ZFHX3: variants seen among roughly 807,000 people sequenced by gnomAD.
The protein encoded by ZFHX3 is zinc finger homeobox protein 3.
ZFHX3 carries 42 observed loss-of-function variants against 279.1 expected under a neutral mutation model. That is an observed-to-expected ratio of 0.15 (90% CI 0.12 to 0.19). The LOEUF (loss-of-function observed/expected upper bound fraction) is 0.19, where lower values mean the gene tolerates loss of function less well. Ranked by LOEUF, ZFHX3 falls within the 10% of genes least tolerant of loss-of-function variation. ZFHX3 has a pLI of 1.00. For synonymous variants in ZFHX3, 2,293 were observed against 1,957.8 expected, an observed-to-expected ratio of 1.17 and a Z score of -4.52; for missense variants, 4,981 against 4,754.0, an observed-to-expected ratio of 1.05 and a Z score of -1.40.
At chr16:73,110,172 C>A (rs1567391144) in intron 7 of ZFHX3, among the ~76,000 whole-genome samples, 1 of 151,850 alleles carries the variant, frequency 6.6e-6, no homozygotes, top group African/African-American at 2.4e-5. Context: ...CCACTGCACT[C>A]CAGCCTGGGT....
At chr16:73,003,289 C>G (rs1268586751) in intron 1 of ZFHX3, among the ~76,000 whole-genome samples, 1 of 149,602 alleles carries the variant, frequency 6.7e-6, no homozygotes, top group Non-Finnish European at 1.5e-5. Flanking sequence ...AGTCCTGATC[C>G]GGGTATTAGA....
chr16:72,850,316 C>T (rs2037584821), intron 4 of ZFHX3, among the ~76,000 whole-genome samples: 1 of 152,268 alleles, frequency 6.6e-6, no homozygotes. Context: ...TGCCCATCTT[C>T]ACTCCTACGC....
intron 7 of ZFHX3, among the ~76,000 whole-genome samples, chr16:73,100,440 A>G (rs542949888): frequency 3.3e-5 from 5 of 152,298 alleles, no homozygotes; most frequent in African/African-American, 1.2e-4. Flanking sequence ...TTAACTTTGC[A>G]ACTCTTTGGC....
At chr16:73,333,825 A>T in intron 3 of ZFHX3, among the ~76,000 whole-genome samples, 1 of 151,728 alleles carries the variant, frequency 6.6e-6, no homozygotes, top group African/African-American at 2.4e-5. Context: ...AAAAAAAAAA[A>T]AAAAAAGGTG....
intron 3 of ZFHX3, among the ~76,000 whole-genome samples, chr16:72,918,573 A>AGGCAGCCAGTAACTC (rs2039501935): frequency 6.6e-6 from 1 of 152,160 alleles, no homozygotes; most frequent in Non-Finnish European, 1.5e-5. Flanking sequence ...GCAGGTAACT[A>AGGCAGCCAGTAACTC]GGCAGCCAGT....
intron 1 of ZFHX3, among the ~76,000 whole-genome samples, chr16:73,752,258 C>T (rs2053768620): frequency 6.6e-6 from 1 of 152,146 alleles, no homozygotes; most frequent in Non-Finnish European, 1.5e-5. Context: ...CTTTTGATTT[C>T]AGCTAGTTTG....
chr16:73,081,760 G>A (rs899543862), intron 8 of ZFHX3: 1 of 152,006 alleles, frequency 6.6e-6, no homozygotes, highest in African/African-American at 2.4e-5. Flanking sequence ...TTTTTCCAGT[G>A]ACGTTGTTCT....
At chr16:73,669,300 C>A (rs1490864748) in intron 2 of ZFHX3, among the ~76,000 whole-genome samples, 2 of 152,140 alleles carry the variant, frequency 1.3e-5, no homozygotes, top group Non-Finnish European at 1.5e-5. Flanking sequence ...GTAATCCACC[C>A]GCCTTGGCCT....
chr16:73,493,185 T>C (rs913310023), intron 2 of ZFHX3, among the ~76,000 whole-genome samples: 1 of 152,186 alleles, frequency 6.6e-6, no homozygotes, highest in African/African-American at 2.4e-5. Context: ...GCTGGTCTCG[T>C]CTGCTTCCAA....
intron 2 of ZFHX3, among the ~76,000 whole-genome samples, chr16:73,531,714 C>CAAAAAAAAAAAAAAAAAAAAAAAAAAA (rs34119200): frequency 1.2e-5 from 1 of 81,146 alleles, no homozygotes; most frequent in Non-Finnish European, 2.3e-5. Flanking sequence ...AACCCTGTCT[C>CAAAAAAAAAAAAAAAAAAAAAAAAAAA]AAAAAAAAAA....
chr16:73,709,346 CAGAGAGAG>C (rs59857152), intron 1 of ZFHX3, among the ~76,000 whole-genome samples: 46 of 145,094 alleles, frequency 3.2e-4, no homozygotes, highest in East Asian at 8.3e-4. Flanking sequence ...GGCTGTGTGA[CAGAGAGAG>C]AGAGAGAGAG....
intron 3 of ZFHX3, among the ~76,000 whole-genome samples, chr16:73,455,325 G>A (rs530952159): frequency 6.6e-6 from 1 of 152,292 alleles, no homozygotes; most frequent in Non-Finnish European, 1.5e-5. Flanking sequence ...CGAGAATAGA[G>A]ATCATTCATC....
At chr16:73,818,286 G>A (rs1180813183) in intron 1 of ZFHX3, among the ~76,000 whole-genome samples, 2 of 152,152 alleles carry the variant, frequency 1.3e-5, no homozygotes, top group African/African-American at 4.8e-5. Context: ...TCTCTTGTAA[G>A]GGGGGAAAAA....
chr16:72,788,042 T>C lies in ZFHX3; in HGVS notation c.10234A>G (p.Lys3412Glu), dbSNP rs769933613. The C allele has an allele frequency of 1.2e-6, 2 of 1,612,282 alleles. No individual in the cohort carries two copies. The highest frequency in any genetic ancestry group is 1.7e-6 in the Non-Finnish European group (2 of 1,179,788). ...PVPPGAPSPD[K>E]DPAKESPKPE... ...TTGGGGGATTCTTTGGCAGGGTCTT[T>C]GTCTGGGGAAGGAGCCCCGGGGGGG... is the stretch of plus-strand genomic sequence containing the variant. The change falls in exon 10 of 10, where the codon AAA (lysine) becomes GAA (glutamate). Residue 3412 changes from lysine (K) to glutamate (E), a missense_variant. Around this residue, in one of 7 missense-constraint regions of ZFHX3, gnomAD observed 1,034 missense variants for 786.0 expected, o/e 1.32. Transcript: ENST00000268489.
intron 1 of ZFHX3, among the ~76,000 whole-genome samples, chr16:72,974,158 C>T (rs577034773): frequency 6.6e-6 from 1 of 152,302 alleles, no homozygotes; most frequent in East Asian, 1.9e-4. Flanking sequence ...GCAGAAGCAG[C>T]CAGGAGCCTT....
chr16:73,223,999 A>G (rs1045158955), intron 5 of ZFHX3, among the ~76,000 whole-genome samples: 2 of 152,216 alleles, frequency 1.3e-5, no homozygotes, highest in Admixed American at 6.5e-5. Context: ...CAGGAAAAAG[A>G]TCAGCGGTTG....
intron 5 of ZFHX3, among the ~76,000 whole-genome samples, chr16:73,224,246 T>C (rs1444643508): frequency 1.3e-5 from 2 of 152,318 alleles, no homozygotes; most frequent in Middle Eastern, 3.4e-3. Flanking sequence ...GTCGTGGATA[T>C]TAATAATGGC....
At chr16:73,127,542 G>C in intron 7 of ZFHX3, 1 of 1,305,500 alleles carries the variant, frequency 7.7e-7, no homozygotes, top group Non-Finnish European at 1.0e-6. Flanking sequence ...GAGATGGGAG[G>C]CTTTGGGCTC....
intron 5 of ZFHX3, among the ~76,000 whole-genome samples, chr16:73,229,968 A>G (rs2012721581): frequency 6.6e-6 from 1 of 152,224 alleles, no homozygotes. Context: ...TTGAGTGGAT[A>G]GATACATGAA....
Sources: gnomAD v4.1 joint callset for allele counts (sites outside exome capture counted in the v4.1 genomes callset) on GRCh38, gnomAD v4.1.1 for gene constraint, gnomAD v4.1.1 regional missense constraint, MANE v1.5 for transcripts, NCBI Gene and HGNC (gene_info 2026-07-23, HGNC 2026-07-21) for gene names.